The following MYT1L variants were observed in gnomAD, a reference collection of about 807,000 sequenced individuals.
MYT1L encodes the protein myelin transcription factor 1 like.
A neutral mutation model predicts 126.7 loss-of-function variants in MYT1L; 12 were observed. The ratio of observed to expected loss-of-function variants is 0.09; its 90% CI spans 0.06 to 0.15. The LOEUF (loss-of-function observed/expected upper bound fraction) is 0.15, where lower values mean the gene tolerates loss of function less well. Ranked by LOEUF, MYT1L falls within the 10% of genes least tolerant of loss-of-function variation. The pLI is 1.00. For synonymous variants in MYT1L, 541 were observed against 604.2 expected, an observed-to-expected ratio of 0.90 and a Z score of 1.53; for missense variants, 979 against 1,585.2, an observed-to-expected ratio of 0.62 and a Z score of 6.49.
At chr2:2,310,926 C>A (rs1300314277) in intron 1 of MYT1L, among the ~76,000 whole-genome samples, 1 of 152,186 alleles carries the variant, frequency 6.6e-6, no homozygotes, top group African/African-American at 2.4e-5. Flanking sequence ...AACAACATTC[C>A]TTTACCCAAC....
At chr2:2,057,897 A>G (rs2069820701) in intron 3 of MYT1L, among the ~76,000 whole-genome samples, 2 of 152,196 alleles carry the variant, frequency 1.3e-5, no homozygotes, top group South Asian at 2.1e-4. Context: ...AAGCTTCTGT[A>G]AAGATGTGTG....
intron 21 of MYT1L, among the ~76,000 whole-genome samples, chr2:1,812,506 G>A (rs1177373037): frequency 9.9e-5 from 15 of 152,190 alleles, no homozygotes; most frequent in Admixed American, 9.8e-4. Context: ...GTGAGTGTGA[G>A]TGCACCCAGG....
At chr2:2,148,946 C>G (rs1230242139) in intron 3 of MYT1L, among the ~76,000 whole-genome samples, 1 of 152,084 alleles carries the variant, frequency 6.6e-6, no homozygotes, top group African/African-American at 2.4e-5. Context: ...CCTGCCTCCC[C>G]CTGCTCCAGT....
intron 3 of MYT1L, among the ~76,000 whole-genome samples, chr2:2,143,653 G>A (rs2084384227): frequency 6.6e-6 from 1 of 152,088 alleles, no homozygotes; most frequent in Admixed American, 6.5e-5. Flanking sequence ...GTGTTAGAGG[G>A]GACAGAAGGC....
intron 18 of MYT1L, among the ~76,000 whole-genome samples, chr2:1,865,210 C>T (rs1000647818): frequency 6.6e-6 from 1 of 152,170 alleles, no homozygotes; most frequent in African/African-American, 2.4e-5. Flanking sequence ...GGGGAAGGTG[C>T]AGACAAAGGT....
At chr2:1,894,761 T>C (rs2049367051) in intron 14 of MYT1L, among the ~76,000 whole-genome samples, 1 of 152,164 alleles carries the variant, frequency 6.6e-6, no homozygotes, top group South Asian at 2.1e-4. Context: ...GTGAGGGCGA[T>C]GCTCAGGAGT....
At chr2:2,178,738 T>C (rs953313201) in intron 2 of MYT1L, among the ~76,000 whole-genome samples, 28 of 152,146 alleles carry the variant, frequency 1.8e-4, no homozygotes, top group African/African-American at 6.5e-4. Context: ...ATCGTAAGGA[T>C]AGTGCAGCCT....
At position 1,848,445 on chromosome 2, in the gene MYT1L, T is replaced by C. The variant is rs2042800350; in HGVS notation, c.2774+3196A>G. On this transcript the variant is annotated intron_variant, in intron 19 of 24. Coordinates refer to ENST00000647738, the MANE Select transcript of MYT1L (RefSeq NM_001303052.2). This position sits in a 1 kb window ranked among gnomAD's most constrained non-coding sequence, Gnocchi z 4.8. Reference sequence around the variant, plus strand: ...AGGTTCAGGATCATTGTTTGGTGACTTCCCCTCTCACAACAGCCCACAGTA... The same window carrying C: ...AGGTTCAGGATCATTGTTTGGTGACCTCCCCTCTCACAACAGCCCACAGTA... Among the ~76,000 whole-genome samples, 1 of 152,082 alleles carries C rather than the reference T, an allele frequency of 6.6e-6. No individual in the cohort carries two copies. Among genetic ancestry groups the C allele is most frequent in the Non-Finnish European group, 1.5e-5 (1 of 68,018 alleles).
intron 1 of MYT1L, among the ~76,000 whole-genome samples, chr2:2,287,928 G>T (rs915310568): frequency 4.6e-5 from 7 of 152,172 alleles, no homozygotes; most frequent in Non-Finnish European, 8.8e-5. Context: ...TAGAGTAATA[G>T]CTAAACACAA....
Position 1,979,344 on chromosome 2 carries a change from C to T in MYT1L, c.90-117G>A. 1 of 1,130,580 alleles carries T rather than the reference C, an allele frequency of 8.8e-7. No individual in the cohort carries two copies. The allele number at this position is 1,130,580 out of a possible 1,614,324, so 70.0% of individuals were successfully genotyped here. A position where few individuals can be genotyped will look rare whatever the true frequency, so the allele number is the denominator to read the frequency against. The stretch of plus-strand genomic sequence containing the variant: ...GACAGAGGAGAGAAATCACACAATC[C>T]AAAGGAGGGGGAAATTCGGGGAGGC... On this transcript the variant is annotated intron_variant, in intron 7 of 24. Transcript: ENST00000647738. This position sits in a 1 kb window ranked among gnomAD's most constrained non-coding sequence, Gnocchi z 4.0.
At chr2:2,044,666 C>G (rs371419863) in intron 4 of MYT1L, among the ~76,000 whole-genome samples, 1 of 152,180 alleles carries the variant, frequency 6.6e-6, no homozygotes, top group Admixed American at 6.5e-5. Context: ...CCATGATTAA[C>G]CATCTTGGGG....
At chr2:2,037,747 A>G (rs1321458944) in intron 4 of MYT1L, among the ~76,000 whole-genome samples, 2 of 151,378 alleles carry the variant, frequency 1.3e-5, no homozygotes, top group South Asian at 2.1e-4. Flanking sequence ...ACAGAGCCAG[A>G]CTCCGTCTCA....
At chr2:2,294,003 G>A (rs1043858127) in intron 1 of MYT1L, among the ~76,000 whole-genome samples, 1 of 152,162 alleles carries the variant, frequency 6.6e-6, no homozygotes, top group African/African-American at 2.4e-5. Flanking sequence ...CAGTGGAATT[G>A]GATGGTCTTG....
chr2:2,036,611 C>A (rs1251336605), intron 4 of MYT1L, among the ~76,000 whole-genome samples: 1 of 152,210 alleles, frequency 6.6e-6, no homozygotes, highest in East Asian at 1.9e-4. Flanking sequence ...CCTCTCAGTC[C>A]CCCATATCAC....
At chr2:2,320,869 C>G (rs1343913957) in intron 1 of MYT1L, among the ~76,000 whole-genome samples, 1 of 152,162 alleles carries the variant, frequency 6.6e-6, no homozygotes, top group Admixed American at 6.5e-5. Flanking sequence ...TCTTGCCATC[C>G]CTTATAATCA....
rs373214647 is a variant in MYT1L, at chr2:2,277,797, A to G, written c.-421+6607T>C. 3.8e-4 allele frequency among the ~76,000 whole-genome samples: 58 copies of G among 152,360 alleles called. No individual in the cohort carries two copies. The East Asian group carries it at 7.1e-3, about 19-fold the overall frequency. On this transcript the variant is annotated intron_variant, in intron 2 of 24. Transcript: ENST00000647738. ...TACCCTTTGCAACAGAATAAAAAAGAAAGAAAAAATACCCACGATACAGCC... is the reference window on the plus strand; with the variant it reads ...TACCCTTTGCAACAGAATAAAAAAGGAAGAAAAAATACCCACGATACAGCC...
At chr2:2,131,223 G>A (rs1183278468) in intron 3 of MYT1L, among the ~76,000 whole-genome samples, 1 of 152,192 alleles carries the variant, frequency 6.6e-6, no homozygotes, top group Non-Finnish European at 1.5e-5. Flanking sequence ...GGAAAAGACA[G>A]GAAGGGGTCA....
chr2:1,942,903 C>T lies in MYT1L; in HGVS notation c.505+79G>A, dbSNP rs181111380. 5.4e-5 allele frequency: 79 copies of T among 1,452,572 alleles called. No individual in the cohort carries two copies. In the African/African-American group the frequency reaches 9.4e-4, roughly 17 times the overall value. The allele number at this position is 1,452,572 out of a possible 1,614,324, so 90.0% of individuals were successfully genotyped here. A position where few individuals can be genotyped will look rare whatever the true frequency, so the allele number is the denominator to read the frequency against. ...ACAATTTCTTTATATGCCAGTCATTCGTAGTAACAGCCGGCAATTCACCTT... is the reference window on the plus strand; with the variant it reads ...ACAATTTCTTTATATGCCAGTCATTTGTAGTAACAGCCGGCAATTCACCTT... On this transcript the variant is annotated intron_variant, in intron 9 of 24. Transcript: ENST00000647738.
chr2:2,067,574 C>T (rs2074034351), intron 3 of MYT1L, among the ~76,000 whole-genome samples: 1 of 151,956 alleles, frequency 6.6e-6, no homozygotes, highest in African/African-American at 2.4e-5. Context: ...AAAACAAAAA[C>T]AAAAACATAA....
Sources: gnomAD v4.1 joint callset for allele counts (sites outside exome capture counted in the v4.1 genomes callset) on GRCh38, gnomAD v4.1.1 for gene constraint, Gnocchi (gnomAD v3.1) non-coding constraint, MANE v1.5 for transcripts, NCBI Gene and HGNC (gene_info 2026-07-23, HGNC 2026-07-21) for gene names.